STK32B: variants seen among roughly 807,000 people sequenced by gnomAD.
The protein encoded by STK32B is serine/threonine-protein kinase 32B.
Under a neutral mutation model 52.6 loss-of-function variants are expected in STK32B, and 43 were observed. The ratio of observed to expected loss-of-function variants is 0.82; its 90% CI spans 0.64 to 1.05. STK32B has a LOEUF of 1.05. Among genes scored for constraint, STK32B ranks in the 50% least tolerant of loss-of-function variants. The probability of loss-of-function intolerance (pLI) is 0.00; values close to 1 mark genes in which losing one functional copy is unlikely to be tolerated. For missense variants in STK32B, 621 were observed against 534.6 expected (o/e 1.16, Z -1.59); for synonymous variants, 238 against 204.3 (o/e 1.17, Z -1.41).
At chr4:5,463,272 A>G (rs1248883761) in intron 9 of STK32B, among the ~76,000 whole-genome samples, 1 of 152,246 alleles carries the variant, frequency 6.6e-6, no homozygotes, top group Non-Finnish European at 1.5e-5. Context: ...CAAATTGCCT[A>G]ATTAGCACTT....
chr4:5,056,526 C>G (rs1049962611), intron 1 of STK32B, among the ~76,000 whole-genome samples: 19 of 152,256 alleles, frequency 1.2e-4, no homozygotes, highest in African/African-American at 4.3e-4. Context: ...CCCATAATAT[C>G]AAGAATCTTC....
At chr4:5,274,845 C>T (rs947495356) in intron 3 of STK32B, among the ~76,000 whole-genome samples, 4 of 152,214 alleles carry the variant, frequency 2.6e-5, no homozygotes, top group Non-Finnish European at 5.9e-5. Flanking sequence ...TGACTTTCAT[C>T]CCTCCAGATC....
rs1462573997 is a variant in STK32B at position 5,456,906 on chromosome 4, G to A, written c.766G>A (p.Val256Met). ...HYSSTWCKGM[V>M]ALLRKLLTKD... ...CTCCTCCACGTGGTGCAAGGGGATG[G>A]TGGCCCTGCTGAGGAAGGTAAGGGG... Residue 256 changes from valine to methionine, a missense_variant, in exon 8 of 12, where the codon GTG becomes ATG. Physicochemically the swap from Val to Met is conservative, Grantham distance 21. Coordinates refer to ENST00000282908, the MANE Select transcript of STK32B (RefSeq NM_018401.3). 3.8e-6 allele frequency: 6 copies of A among 1,570,174 alleles called. No individual in the cohort carries two copies. Among genetic ancestry groups the A allele is most frequent in the Non-Finnish European group, 5.2e-6 (6 of 1,156,080 alleles).
At chr4:5,133,028 C>A (rs1047425750) in intron 1 of STK32B, among the ~76,000 whole-genome samples, 4 of 152,088 alleles carry the variant, frequency 2.6e-5, no homozygotes, top group African/African-American at 9.7e-5. Context: ...GAACCCCTGA[C>A]CTCAAGTGAT....
intron 3 of STK32B, among the ~76,000 whole-genome samples, chr4:5,185,350 G>A (rs1197937624): frequency 2.6e-5 from 4 of 152,130 alleles, no homozygotes; most frequent in African/African-American, 9.7e-5. Flanking sequence ...GGCAATGTAG[G>A]TTTCTAGAAT....
At chr4:5,475,490 G>A (rs1475087293) in intron 11 of STK32B, among the ~76,000 whole-genome samples, 2 of 147,142 alleles carry the variant, frequency 1.4e-5, no homozygotes, top group Admixed American at 6.9e-5. Flanking sequence ...CTTGAGGTCA[G>A]GAGTTCAAAA....
At chr4:5,349,588 A>AAAT (rs1323942217) in intron 4 of STK32B, among the ~76,000 whole-genome samples, 6 of 152,232 alleles carry the variant, frequency 3.9e-5, no homozygotes, top group African/African-American at 1.4e-4. Flanking sequence ...AAAAGCAAGG[A>AAAT]AATATGAAAC....
intron 6 of STK32B, among the ~76,000 whole-genome samples, chr4:5,421,535 C>T (rs1006567738): frequency 6.6e-6 from 1 of 152,232 alleles, no homozygotes; most frequent in African/African-American, 2.4e-5. Flanking sequence ...AAGTTCAAGG[C>T]AGTTTTCTAC....
At chr4:5,364,341 G>A (rs536359979) in intron 4 of STK32B, among the ~76,000 whole-genome samples, 4 of 152,202 alleles carry the variant, frequency 2.6e-5, no homozygotes, top group Non-Finnish European at 5.9e-5. Flanking sequence ...GGGCCTCAGT[G>A]AAAGAGAGAG....
intron 3 of STK32B, among the ~76,000 whole-genome samples, chr4:5,304,425 T>G (rs1243110096): frequency 1.0e-5 from 1 of 95,464 alleles, no homozygotes; most frequent in Non-Finnish European, 1.7e-5. Context: ...ATTTTATGGT[T>G]TTTTTTTTTT....
chr4:5,372,151 G>T (rs1388997692), intron 4 of STK32B, among the ~76,000 whole-genome samples: 2 of 152,242 alleles, frequency 1.3e-5, no homozygotes, highest in Non-Finnish European at 2.9e-5. Context: ...CATACCTGCA[G>T]TCAGAAGGGC....
chr4:5,429,565 G>A lies in STK32B; in HGVS notation c.562+12631G>A, dbSNP rs1057454260. ...TCATCTCTTTTTACTATAAATATAT[G>A]TCATTGAATTTATTTTTGCTTCAAA... On this transcript the variant is annotated intron_variant, in intron 6 of 11. Coordinates refer to ENST00000282908, the MANE Select transcript of STK32B (RefSeq NM_018401.3). Among the ~76,000 whole-genome samples the A allele has an allele frequency of 1.6e-3, 35 of 22,430 alleles. No homozygotes were observed. The South Asian group carries it at 0.091, about 58-fold the overall frequency. 14.7% of individuals were successfully genotyped at this position (22,430 alleles called of 152,430 possible). A position where few individuals can be genotyped will look rare whatever the true frequency, so the allele number is the denominator to read the frequency against.
chr4:5,409,451 G>A (rs1305844173), intron 5 of STK32B, among the ~76,000 whole-genome samples: 5 of 152,172 alleles, frequency 3.3e-5, no homozygotes, highest in African/African-American at 1.2e-4. Context: ...GAAAGGAAGT[G>A]TATTAGTCAG....
At chr4:5,067,985 C>T (rs989794005) in intron 1 of STK32B, among the ~76,000 whole-genome samples, 2 of 151,998 alleles carry the variant, frequency 1.3e-5, no homozygotes, top group Admixed American at 6.6e-5. Context: ...CACCTCCCAC[C>T]GGATCCCACC....
the STK32B span, among the ~76,000 whole-genome samples, chr4:5,033,290 C>T: frequency 6.6e-6 from 1 of 152,166 alleles, no homozygotes; most frequent in African/African-American, 2.4e-5. Flanking sequence ...CATAAACAAG[C>T]ATTTCCCCAG....
chr4:5,296,302 A>G (rs1729194121), intron 3 of STK32B, among the ~76,000 whole-genome samples: 1 of 152,138 alleles, frequency 6.6e-6, no homozygotes, highest in Admixed American at 6.5e-5. Flanking sequence ...GCTGAGTTCA[A>G]GTCCTGAATA....
chr4:5,070,252 C>A (rs1393995874), intron 1 of STK32B, among the ~76,000 whole-genome samples: 1 of 152,158 alleles, frequency 6.6e-6, no homozygotes, highest in East Asian at 1.9e-4. Flanking sequence ...CTGACTCTGG[C>A]AAGTAGTGTG....
intron 1 of STK32B, among the ~76,000 whole-genome samples, chr4:5,094,368 C>T (rs1040767775): frequency 2.0e-5 from 3 of 152,184 alleles, no homozygotes; most frequent in Admixed American, 6.5e-5. Flanking sequence ...TTAAGAAAAT[C>T]ACTGGTTGGC....
chr4:5,343,931 G>A (rs1393865), intron 4 of STK32B, among the ~76,000 whole-genome samples: 52,163 of 152,016 alleles, frequency 0.34, 11,601 homozygotes, highest in African/African-American at 0.63. Context: ...ATTCTACTCC[G>A]TTATGTAGTC....
Sources: allele counts gnomAD v4.1 joint callset (sites outside exome capture counted in the v4.1 genomes callset), GRCh38; gene constraint gnomAD v4.1.1; transcripts MANE v1.5; gene names NCBI Gene and HGNC (gene_info 2026-07-23, HGNC 2026-07-21).